PRXL2C: variants seen among roughly 807,000 people sequenced by gnomAD.
PRXL2C encodes peroxiredoxin-like 2C.
PRXL2C carries 38 observed loss-of-function variants against 24.9 expected under a neutral mutation model. That is an observed-to-expected ratio of 1.53 (90% confidence interval 1.18 to 2.00). The LOEUF is 2.00. Among genes scored for constraint, PRXL2C ranks in the 30% most tolerant of loss-of-function variants. The pLI is 0.00. For missense variants in PRXL2C, 294 were observed against 290.9 expected, an observed-to-expected ratio of 1.01 and a Z score of -0.08; for synonymous variants, 98 against 117.2, an observed-to-expected ratio of 0.84 and a Z score of 1.06.
Position 96,655,219 on chromosome 9 carries a change from C to G in PRXL2C, c.63G>C (p.Pro21=), listed in dbSNP as rs1240129585. 2 of 1,160,514 alleles carry G rather than the reference C, an allele frequency of 1.7e-6. No individual in the cohort carries two copies. 71.9% of individuals were successfully genotyped at this position (1,160,514 alleles called of 1,614,324 possible). A position where few individuals can be genotyped will look rare whatever the true frequency, so the allele number is the denominator to read the frequency against. Residue 21 remains proline (P), a synonymous_variant, in exon 1 of 6, where the codon CCG becomes CCC. Transcript: ENST00000375234. The part of the protein sequence containing the change: ...VSGAAALVPA[P]SGPDSGQPLA... ...GGGGCTGCCCGCTGTCGGGGCCGCTCGGGGCCGGGACCAGGGCGGCGGCGC... is the reference window on the plus strand; with the variant it reads ...GGGGCTGCCCGCTGTCGGGGCCGCTGGGGGCCGGGACCAGGGCGGCGGCGC...
intron 4 of PRXL2C, among the ~76,000 whole-genome samples, chr9:96,649,583 CAAAAAAA>C (rs202100759): frequency 6.8e-6 from 1 of 147,780 alleles, no homozygotes; most frequent in Non-Finnish European, 1.5e-5. Context: ...AAACAAAAAA[CAAAAAAA>C]AACCCATCAA....
rs1267791343 is a variant in PRXL2C at position 96,640,980 on chromosome 9, T to C, written c.*779A>G. 6.6e-6 allele frequency: 1 copy of C among 152,114 alleles called. No individual in the cohort carries two copies. The highest frequency in any genetic ancestry group is 1.9e-4 in the East Asian group (1 of 5,196). 9.4% of individuals were successfully genotyped at this position (152,114 alleles called of 1,614,324 possible). A position where few individuals can be genotyped will look rare whatever the true frequency, so the allele number is the denominator to read the frequency against. On this transcript the variant is annotated 3_prime_UTR_variant, in exon 6 of 6. Transcript: ENST00000375234. ...ATCCTAGTGAAACGGATAGCAAGTA[T>C]GTAGTTTGAGAAGGTGCTGTGGACA...
chr9:96,655,243 G>A lies in PRXL2C; in HGVS notation c.39C>T (p.Gly13=), dbSNP rs1342456845. 3.6e-6 allele frequency: 4 copies of A among 1,124,974 alleles called. No homozygotes were observed. Among genetic ancestry groups the A allele is most frequent in the Middle Eastern group, 3.8e-4 (1 of 2,656 alleles). The allele number at this position is 1,124,974 out of a possible 1,614,324, so 69.7% of individuals were successfully genotyped here. A position where few individuals can be genotyped will look rare whatever the true frequency, so the allele number is the denominator to read the frequency against. ...APAPVTRQVS[G]AAALVPAPSG... Reference sequence around the variant, plus strand: ...TCGGGGCCGGGACCAGGGCGGCGGCGCCGCTAACCTGCCGCGTGACCGGGG... The same window carrying A: ...TCGGGGCCGGGACCAGGGCGGCGGCACCGCTAACCTGCCGCGTGACCGGGG... The change falls in exon 1 of 6, where the codon GGC becomes GGT. Residue 13 remains glycine (G), a synonymous_variant. Transcript: ENST00000375234.
rs1848107078 is a variant in PRXL2C at position 96,641,005 on chromosome 9, A to G, written c.*754T>C. On this transcript the variant is annotated 3_prime_UTR_variant, in exon 6 of 6. Coordinates refer to ENST00000375234, the MANE Select transcript of PRXL2C (RefSeq NM_153698.2). ...TGTAGTTTGAGAAGGTGCTGTGGAC[A>G]CTGGCTATATGTGAAATGTTCGGAT... The G allele has an allele frequency of 6.6e-6, 1 of 152,184 alleles. No individual in the cohort carries two copies. Among genetic ancestry groups the G allele is most frequent in the Non-Finnish European group, 1.5e-5 (1 of 68,038 alleles). 9.4% of individuals were successfully genotyped at this position (152,184 alleles called of 1,614,324 possible). A position where few individuals can be genotyped will look rare whatever the true frequency, so the allele number is the denominator to read the frequency against.
At chr9:96,644,408 C>T (rs1355805818) in intron 5 of PRXL2C, among the ~76,000 whole-genome samples, 4 of 152,282 alleles carry the variant, frequency 2.6e-5, no homozygotes, top group African/African-American at 7.2e-5. Context: ...TTAGCAGAGA[C>T]GAGCCAAAGC....
At chr9:96,645,776 G>A (rs1302087045) in intron 5 of PRXL2C, 117 bp downstream of exon 5, 26 of 1,216,222 alleles carry the variant, frequency 2.1e-5, no homozygotes, top group African/African-American at 1.7e-4. Flanking sequence ...CAGCCTTGGC[G>A]ACAGAGCGAG....
At chr9:96,647,340 T>A (rs998419328) in intron 4 of PRXL2C, among the ~76,000 whole-genome samples, 3 of 152,214 alleles carry the variant, frequency 2.0e-5, no homozygotes, top group Non-Finnish European at 4.4e-5. Context: ...TACTTTTAAC[T>A]TTTTATTTTA....
chr9:96,654,601 G>T, intron 2 of PRXL2C, 104 bp downstream of exon 2: 1 of 1,008,538 alleles, frequency 9.9e-7, no homozygotes. Flanking sequence ...CTGCGGGGAG[G>T]GGCAATCCAG....
chr9:96,644,876 GGATTCTTTTTTTTTTTTTTTTTTT>G (rs1564408101), intron 5 of PRXL2C, among the ~76,000 whole-genome samples: 3 of 113,676 alleles, frequency 2.6e-5, no homozygotes, highest in Admixed American at 1.0e-4. Context: ...ATAACTACAT[GGATTCTTTTTTTTTTTTTTTTTTT>G]TTTTTTTTTT....
In PRXL2C at chr9:96,651,303, TGAA is replaced by T. The variant is rs1588103186; in HGVS notation, c.421+84_421+86del. 11 of 988,106 alleles carry T rather than the reference TGAA, an allele frequency of 1.1e-5. No homozygotes were observed. The East Asian group carries it at 2.7e-4, about 24-fold the overall frequency. The allele number at this position is 988,106 out of a possible 1,614,324, so 61.2% of individuals were successfully genotyped here. A position where few individuals can be genotyped will look rare whatever the true frequency, so the allele number is the denominator to read the frequency against. On this transcript the variant is annotated intron_variant, in intron 4 of 5. Coordinates refer to ENST00000375234, the MANE Select transcript of PRXL2C (RefSeq NM_153698.2). Reference sequence around the variant, plus strand: ...AAAAAAAACAAAAAAGCCTGATTTATGAATTGACCATGTTTCCCTATGCATATA... The same window carrying T: ...AAAAAAAACAAAAAAGCCTGATTTATTTGACCATGTTTCCCTATGCATATA...
At chr9:96,651,774 C>T in intron 2 of PRXL2C, 62 bp from the exon 3 acceptor site, 1 of 1,399,898 alleles carries the variant, frequency 7.1e-7, no homozygotes, top group Non-Finnish European at 9.9e-7. Flanking sequence ...TATACAACAT[C>T]CCTTAACCCA....
chr9:96,645,031 C>A (rs1216998840), intron 5 of PRXL2C, among the ~76,000 whole-genome samples: 1 of 150,766 alleles, frequency 6.6e-6, no homozygotes, highest in Admixed American at 6.6e-5. Context: ...CTCAGCCTCC[C>A]GAGTAGCTGG....
chr9:96,655,145 C>G lies in PRXL2C; in HGVS notation c.137G>C (p.Arg46Pro), dbSNP rs965003163. 1.3e-5 allele frequency: 17 copies of G among 1,333,506 alleles called. No individual in the cohort carries two copies. The highest frequency in any genetic ancestry group is 1.5e-5 in the Non-Finnish European group (16 of 1,047,500). 82.6% of individuals were successfully genotyped at this position (1,333,506 alleles called of 1,614,324 possible). ...CCGGAACAGCGCGCCGAACGGTACC[C>G]GCTGCCCGCGGGCGTCCAGCACCGG... ...ELPVLDARGQ[R>P]VPFGALFRER... Residue 46 changes from arginine to proline, a missense_variant, in exon 1 of 6, where the codon CGG becomes CCG. Transcript: ENST00000375234.
chr9:96,648,706 C>T (rs1848227589), intron 4 of PRXL2C, among the ~76,000 whole-genome samples: 1 of 152,092 alleles, frequency 6.6e-6, no homozygotes, highest in Admixed American at 6.5e-5. Flanking sequence ...TTTGCAATTC[C>T]ATATCTTTAT....
chr9:96,642,546 ATTT>A (rs1212733244), intron 5 of PRXL2C, among the ~76,000 whole-genome samples: 1 of 134,932 alleles, frequency 7.4e-6, no homozygotes, highest in Non-Finnish European at 1.6e-5. Context: ...GCACGTTTTC[ATTT>A]TTTTTTTTTT....
At chr9:96,647,748 A>C (rs1389835973) in intron 4 of PRXL2C, among the ~76,000 whole-genome samples, 3 of 151,798 alleles carry the variant, frequency 2.0e-5, no homozygotes, top group African/African-American at 7.3e-5. Flanking sequence ...GGCCGGTCTC[A>C]AATTCCTGGC....
At chr9:96,651,346 C>T (rs1474243644) in intron 4 of PRXL2C, 44 bp downstream of exon 4, 5 of 1,360,532 alleles carry the variant, frequency 3.7e-6, no homozygotes, top group Non-Finnish European at 5.2e-6. Flanking sequence ...CAAATATGAA[C>T]ATACACCACC....
intron 5 of PRXL2C, among the ~76,000 whole-genome samples, chr9:96,643,537 C>T (rs933421038): frequency 9.2e-5 from 14 of 152,096 alleles, no homozygotes; most frequent in Admixed American, 3.3e-4. Flanking sequence ...TGAGCCACTG[C>T]GCCCAGCCCA....
In PRXL2C at chr9:96,644,881, C is replaced by CTTTTTTT. The variant is rs530343244; in HGVS notation, c.553+1005_553+1011dup. ...TTAGGTATAAATAACTACATGGATT[C>CTTTTTTT]TTTTTTTTTTTTTTTTTTTTTTTTT... On this transcript the variant is annotated intron_variant, in intron 5 of 5. Coordinates refer to ENST00000375234, the MANE Select transcript of PRXL2C (RefSeq NM_153698.2). 3.0e-3 allele frequency among the ~76,000 whole-genome samples: 111 copies of CTTTTTTT among 36,706 alleles called. 30 individuals carry two copies. The highest frequency in any genetic ancestry group is 7.7e-3 in the East Asian group (5 of 650). The allele number at this position is 36,706 out of a possible 152,430, so 24.1% of individuals were successfully genotyped here. A position where few individuals can be genotyped will look rare whatever the true frequency, so the allele number is the denominator to read the frequency against.
Sources: gnomAD v4.1 joint callset for allele counts (sites outside exome capture counted in the v4.1 genomes callset) on GRCh38, gnomAD v4.1.1 for gene constraint, MANE v1.5 for transcripts, NCBI Gene and HGNC (gene_info 2026-07-23, HGNC 2026-07-21) for gene names.